Variants in FAM174A observed in about 807,000 individuals in gnomAD.
FAM174A encodes family with sequence similarity 174 member A.
FAM174A carries 14 observed loss-of-function variants against 14.3 expected under a neutral mutation model. The ratio of observed to expected loss-of-function variants is 0.98; its 90% CI spans 0.65 to 1.53. The LOEUF (loss-of-function observed/expected upper bound fraction) is 1.53, where lower values mean the gene tolerates loss of function less well. Ranked by LOEUF, FAM174A falls within the 40% of genes most tolerant of loss-of-function variation. FAM174A has a pLI of 0.00. For missense variants in FAM174A, 241 were observed against 249.6 expected, an observed-to-expected ratio of 0.97 and a Z score of 0.23; for synonymous variants, 108 against 111.4, an observed-to-expected ratio of 0.97 and a Z score of 0.19.
chr5:100,569,519 G>C (rs942000117), intron 2 of FAM174A, among the ~76,000 whole-genome samples: 1 of 151,770 alleles, frequency 6.6e-6, no homozygotes, highest in Non-Finnish European at 1.5e-5. Flanking sequence ...AAATAGTACT[G>C]CAAGGAATAA....
intron 2 of FAM174A, among the ~76,000 whole-genome samples, chr5:100,582,161 T>C (rs1243071960): frequency 6.6e-6 from 1 of 152,150 alleles, no homozygotes; most frequent in Admixed American, 6.5e-5. Context: ...ACAAATTCAT[T>C]ATCAGTATTA....
At chr5:100,552,408 C>T (rs1046567500) in intron 1 of FAM174A, among the ~76,000 whole-genome samples, 2 of 151,686 alleles carry the variant, frequency 1.3e-5, no homozygotes, top group Admixed American at 6.6e-5. Context: ...ATATATTCCT[C>T]AGTCTAGCTT....
At chr5:100,576,885 T>A (rs1265989408) in intron 2 of FAM174A, among the ~76,000 whole-genome samples, 8 of 152,208 alleles carry the variant, frequency 5.3e-5, no homozygotes, top group Admixed American at 5.2e-4. Flanking sequence ...ATCTCAGTTC[T>A]TGGACTGTTG....
At chr5:100,574,941 C>T (rs1746871192) in intron 2 of FAM174A, among the ~76,000 whole-genome samples, 1 of 152,110 alleles carries the variant, frequency 6.6e-6, no homozygotes, top group Non-Finnish European at 1.5e-5. Flanking sequence ...ACTATGAAAT[C>T]ACTAAAAACA....
chr5:100,574,044 A>G (rs1436145584), intron 2 of FAM174A, among the ~76,000 whole-genome samples: 1 of 152,156 alleles, frequency 6.6e-6, no homozygotes, highest in Admixed American at 6.5e-5. Context: ...TCCTAACTAC[A>G]TGGTTAAGAC....
intron 2 of FAM174A, among the ~76,000 whole-genome samples, chr5:100,582,475 T>C (rs771394590): frequency 7.9e-5 from 10 of 126,688 alleles, no homozygotes; most frequent in Admixed American, 2.2e-4. Context: ...GCACATTTTG[T>C]TTTTTTTTTT....
Position 100,535,881 on chromosome 5 carries a change from C to A in FAM174A, c.351C>A (p.Asp117Glu). The change falls in exon 1 of 3, where the codon GAC becomes GAA. Residue 117 changes from aspartate (D) to glutamate (E), a missense_variant. By Grantham distance (45) the Asp-to-Glu change is conservative. Transcript: ENST00000312637. ...GGLAVSPNPG[D>E]KPMTQRALTV... ...TTGCTGTGAGCCCCAACCCTGGCGACAAGCCCATGACCCAGCGGGCCCTGA... is the reference window on the plus strand; with the variant it reads ...TTGCTGTGAGCCCCAACCCTGGCGAAAAGCCCATGACCCAGCGGGCCCTGA... 6.2e-7 allele frequency: 1 copy of A among 1,613,132 alleles called. No homozygotes were observed. Among genetic ancestry groups the A allele is most frequent in the African/African-American group, 1.3e-5 (1 of 75,060 alleles).
At chr5:100,568,887 T>C (rs1022684842) in intron 2 of FAM174A, among the ~76,000 whole-genome samples, 4 of 151,932 alleles carry the variant, frequency 2.6e-5, no homozygotes, top group Admixed American at 1.3e-4. Flanking sequence ...GAAATATAAT[T>C]TAATTTATTT....
intron 1 of FAM174A, among the ~76,000 whole-genome samples, chr5:100,551,900 A>G (rs1280890552): frequency 1.3e-5 from 2 of 152,050 alleles, no homozygotes; most frequent in Non-Finnish European, 2.9e-5. Flanking sequence ...TACCTTAATG[A>G]TCTCATTTTA....
At chr5:100,583,424 G>A (rs1369353052) in intron 2 of FAM174A, among the ~76,000 whole-genome samples, 1 of 152,182 alleles carries the variant, frequency 6.6e-6, no homozygotes, top group Non-Finnish European at 1.5e-5. Flanking sequence ...AAAAGAAGTT[G>A]AAAGCAGTCT....
rs190666078 is a variant in FAM174A at position 100,580,483 on chromosome 5, C to T, written c.570-5698C>T. On this transcript the variant is annotated intron_variant, in intron 2 of 2. Transcript: ENST00000312637. ...TTCCAAAACTGAAGAACTTGGAGTC[C>T]GATATTCGACGACAGGAAGCATCCA... is the stretch of plus-strand genomic sequence containing the variant. Among the ~76,000 whole-genome samples, 835 of 152,246 alleles carry T rather than the reference C, an allele frequency of 5.5e-3. 3 individuals carry two copies. The highest frequency in any genetic ancestry group is 8.7e-3 in the Non-Finnish European group (595 of 68,016).
chr5:100,538,535 A>G (rs1745985047), intron 1 of FAM174A, among the ~76,000 whole-genome samples: 1 of 152,060 alleles, frequency 6.6e-6, no homozygotes, highest in Non-Finnish European at 1.5e-5. Flanking sequence ...AAGTGTATAT[A>G]TATATATGCA....
At chr5:100,548,796 G>A (rs777019094) in intron 1 of FAM174A, among the ~76,000 whole-genome samples, 4 of 151,986 alleles carry the variant, frequency 2.6e-5, no homozygotes, top group African/African-American at 4.8e-5. Flanking sequence ...CTTCATAATC[G>A]CATGCTTTTA....
At chr5:100,557,491 G>A (rs989593493) in intron 1 of FAM174A, among the ~76,000 whole-genome samples, 2 of 152,096 alleles carry the variant, frequency 1.3e-5, no homozygotes, top group Non-Finnish European at 2.9e-5. Context: ...CTATTGATTG[G>A]AATAGTTTCA....
intron 2 of FAM174A, among the ~76,000 whole-genome samples, chr5:100,582,778 C>G (rs1398697557): frequency 6.6e-6 from 1 of 151,940 alleles, no homozygotes; most frequent in Non-Finnish European, 1.5e-5. Flanking sequence ...TAGATTATAC[C>G]TAGTAGCTTG....
chr5:100,537,288 A>C (rs1459328784), intron 1 of FAM174A, among the ~76,000 whole-genome samples: 1 of 152,082 alleles, frequency 6.6e-6, no homozygotes, highest in Non-Finnish European at 1.5e-5. Flanking sequence ...TTTTTTATCT[A>C]CTCCTATCAC....
At chr5:100,557,499 T>G (rs1172163247) in intron 1 of FAM174A, among the ~76,000 whole-genome samples, 1 of 152,220 alleles carries the variant, frequency 6.6e-6, no homozygotes, top group Non-Finnish European at 1.5e-5. Context: ...TGGAATAGTT[T>G]CAGAAGGAAT....
At chr5:100,570,809 A>G (rs150934229) in intron 2 of FAM174A, among the ~76,000 whole-genome samples, 2 of 152,122 alleles carry the variant, frequency 1.3e-5, no homozygotes, top group East Asian at 3.9e-4. Context: ...CCCAATATTA[A>G]GTAGGTTAGC....
chr5:100,574,215 A>C (rs34005282), intron 2 of FAM174A, among the ~76,000 whole-genome samples: 6,027 of 152,000 alleles, frequency 0.04, 191 homozygotes, highest in Non-Finnish European at 0.059. Flanking sequence ...TTGAGATGGA[A>C]TCTTGCTCTG....
Sources: gnomAD v4.1 joint callset for allele counts (sites outside exome capture counted in the v4.1 genomes callset) on GRCh38, gnomAD v4.1.1 for gene constraint, MANE v1.5 for transcripts, NCBI Gene and HGNC (gene_info 2026-07-23, HGNC 2026-07-21) for gene names.